TTLL9: variants seen among roughly 807,000 people sequenced by gnomAD.
TTLL9 encodes the protein probable tubulin polyglutamylase TTLL9.
TTLL9 carries 47 observed loss-of-function variants against 65.6 expected under a neutral mutation model. The ratio of observed to expected loss-of-function variants is 0.72; its 90% confidence interval spans 0.57 to 0.91. The LOEUF is 0.91. Among genes scored for constraint, TTLL9 ranks in the 40% least tolerant of loss-of-function variants. The pLI, the probability that TTLL9 is intolerant of heterozygous loss-of-function variation, is 0.00. For synonymous variants in TTLL9, 179 were observed against 204.8 expected (o/e 0.87, Z 1.07); for missense variants, 537 against 568.8 (o/e 0.94, Z 0.57).
intron 14 of TTLL9, among the ~76,000 whole-genome samples, chr20:31,942,311 C>T (rs558137404): frequency 3.3e-5 from 5 of 152,332 alleles, no homozygotes; most frequent in African/African-American, 1.2e-4. Context: ...GCACCATGAA[C>T]GTCCTGGGAG....
intron 4 of TTLL9, among the ~76,000 whole-genome samples, chr20:31,907,187 C>A (rs1170117941): frequency 6.6e-6 from 1 of 152,214 alleles, no homozygotes; most frequent in Non-Finnish European, 1.5e-5. Flanking sequence ...TTACTAACTG[C>A]ATGAACTAGG....
At chr20:31,895,474 A>G (rs574310653) in intron 3 of TTLL9, among the ~76,000 whole-genome samples, 1 of 152,194 alleles carries the variant, frequency 6.6e-6, no homozygotes, top group Non-Finnish European at 1.5e-5. Context: ...AGTTCTTATT[A>G]TCTGGCAAAT....
At chr20:31,894,523 G>T (rs1414502033) in intron 3 of TTLL9, among the ~76,000 whole-genome samples, 2 of 151,848 alleles carry the variant, frequency 1.3e-5, no homozygotes, top group Non-Finnish European at 2.9e-5. Flanking sequence ...TCATTTATGG[G>T]TTTATTTCAG....
intron 13 of TTLL9, among the ~76,000 whole-genome samples, chr20:31,938,001 C>T (rs945828704): frequency 2.0e-5 from 3 of 151,260 alleles, no homozygotes. Context: ...TCCAGGTGCT[C>T]AATGTTGGCT....
chr20:31,934,977 C>T lies in TTLL9; in HGVS notation c.1004+89C>T, dbSNP rs375092887. 9.9e-5 allele frequency: 125 copies of T among 1,263,784 alleles called. No homozygotes were observed. The African/African-American group carries it at 1.6e-3, about 17-fold the overall frequency. The allele number at this position is 1,263,784 out of a possible 1,614,324, so 78.3% of individuals were successfully genotyped here. A position where few individuals can be genotyped will look rare whatever the true frequency, so the allele number is the denominator to read the frequency against. On this transcript the variant is annotated intron_variant, in intron 12 of 14. Transcript: ENST00000535842. ...GGTTTGAATCCCAGCTCTGCCAATT[C>T]CTAGTTGTATAACCTTGTGCACACT... is the stretch of plus-strand genomic sequence containing the variant.
At position 31,898,612 on chromosome 20, in the gene TTLL9, G is replaced by C. The variant is rs771319759; in HGVS notation, c.206+47G>C. The C allele has an allele frequency of 4.5e-6, 7 of 1,554,962 alleles. No individual in the cohort carries two copies. The South Asian group carries it at 5.6e-5, about 13-fold the overall frequency. ...TGTCCCTCCTTCCCTTTGTCTCACAGGTCCTTGTCTTCCTTTGTTTTTCTC... is the reference window on the plus strand; with the variant it reads ...TGTCCCTCCTTCCCTTTGTCTCACACGTCCTTGTCTTCCTTTGTTTTTCTC... On this transcript the variant is annotated intron_variant, in intron 4 of 14. Transcript: ENST00000535842.
chr20:31,902,347 C>T (rs1449931410), intron 4 of TTLL9, among the ~76,000 whole-genome samples: 1 of 152,116 alleles, frequency 6.6e-6, no homozygotes, highest in Non-Finnish European at 1.5e-5. Flanking sequence ...TTTCAAGGCT[C>T]ATCCATGTAG....
In TTLL9 at chr20:31,934,801, T is replaced by C. The variant is rs1328298096; in HGVS notation, c.917T>C (p.Leu306Pro). 4.3e-6 allele frequency: 7 copies of C among 1,613,886 alleles called. No homozygotes were observed. Among genetic ancestry groups the C allele is most frequent in the Non-Finnish European group, 5.9e-6 (7 of 1,180,028 alleles). Reference protein sequence around the residue: ...RDIDNIFVKSLQSVQKVIISD... With the variant: ...RDIDNIFVKSPQSVQKVIISD... ...ATCGACAACATCTTTGTCAAAAGCC[T>C]GCAGAGTGTGCAGAAGGTGATCATC... The change falls in exon 12 of 15, where the codon CTG becomes CCG. Residue 306 changes from leucine to proline, a missense_variant. Physicochemically the swap from Leu to Pro is moderately conservative, Grantham distance 98. Coordinates refer to ENST00000535842, the MANE Select transcript of TTLL9 (RefSeq NM_001008409.5).
At chr20:31,886,681 T>C (rs1483798872) in intron 2 of TTLL9, among the ~76,000 whole-genome samples, 1 of 151,994 alleles carries the variant, frequency 6.6e-6, no homozygotes, top group African/African-American at 2.4e-5. Flanking sequence ...TGGCTGGGTG[T>C]GGTGGTGGGT....
chr20:31,895,006 G>T (rs2063362374), intron 3 of TTLL9, among the ~76,000 whole-genome samples: 1 of 151,914 alleles, frequency 6.6e-6, no homozygotes, highest in African/African-American at 2.4e-5. Context: ...GCCCAGTCTG[G>T]TCTCCAACTC....
At chr20:31,929,243 A>G (rs4243978) in intron 10 of TTLL9, among the ~76,000 whole-genome samples, 66,298 of 152,018 alleles carry the variant, frequency 0.44, 14,705 homozygotes, top group Non-Finnish European at 0.48. Flanking sequence ...GAACCAGGTC[A>G]GGAAACATTT....
At chr20:31,900,112 A>G (rs1180449165) in intron 4 of TTLL9, among the ~76,000 whole-genome samples, 1 of 152,222 alleles carries the variant, frequency 6.6e-6, no homozygotes, top group Non-Finnish European at 1.5e-5. Context: ...CATTTTCCCA[A>G]GTAAATGCTG....
intron 2 of TTLL9, among the ~76,000 whole-genome samples, chr20:31,877,426 C>A (rs1047220802): frequency 1.1e-4 from 17 of 152,202 alleles, no homozygotes; most frequent in African/African-American, 4.1e-4. Context: ...AGCCACCGCG[C>A]CCGGCCTGGC....
chr20:31,896,810 G>A (rs4911192), intron 3 of TTLL9, among the ~76,000 whole-genome samples: 42,725 of 152,134 alleles, frequency 0.28, 6,435 homozygotes, highest in South Asian at 0.41. Flanking sequence ...GATTACAGGC[G>A]TGAGACACCA....
intron 14 of TTLL9, chr20:31,940,195 G>A (rs920286057): frequency 6.6e-6 from 1 of 152,156 alleles, no homozygotes; most frequent in South Asian, 2.1e-4. Context: ...ATACGAATTT[G>A]TCAGATTTGA....
intron 4 of TTLL9, 29 bp downstream of exon 4, chr20:31,898,594 C>T (rs1295962457): frequency 6.3e-7 from 1 of 1,599,586 alleles, no homozygotes; most frequent in Admixed American, 1.7e-5. Context: ...CCTTGTCCCT[C>T]CTTCCCTTTG....
intron 3 of TTLL9, among the ~76,000 whole-genome samples, chr20:31,894,609 A>G (rs2063355913): frequency 6.6e-6 from 1 of 151,786 alleles, no homozygotes; most frequent in Non-Finnish European, 1.5e-5. Flanking sequence ...TTAGAACTGC[A>G]CTCTGGATAT....
At chr20:31,937,099 CAAAA>C (rs59705348) in intron 12 of TTLL9, among the ~76,000 whole-genome samples, 1 of 93,502 alleles carries the variant, frequency 1.1e-5, no homozygotes. Context: ...ACTCCCTCTC[CAAAA>C]AAAAAAAAAA....
intron 3 of TTLL9, among the ~76,000 whole-genome samples, chr20:31,897,052 G>A (rs1023273635): frequency 6.6e-6 from 1 of 152,142 alleles, no homozygotes; most frequent in Non-Finnish European, 1.5e-5. Context: ...AAATGAATTA[G>A]GAAATTCTCC....
Sources: gnomAD v4.1 joint callset for allele counts (sites outside exome capture counted in the v4.1 genomes callset) on GRCh38, gnomAD v4.1.1 for gene constraint, MANE v1.5 for transcripts, NCBI Gene and HGNC (gene_info 2026-07-23, HGNC 2026-07-21) for gene names.